The following ROBO1 variants were observed in gnomAD, a reference collection of about 807,000 sequenced individuals.
ROBO1 encodes roundabout homolog 1.
Under a neutral mutation model 195.9 loss-of-function variants are expected in ROBO1, and 149 were observed. The observed-to-expected ratio is 0.76, with a 90% CI of 0.67 to 0.87. The LOEUF is 0.87. Among genes scored for constraint, ROBO1 ranks in the 40% least tolerant of loss-of-function variants. ROBO1 has a pLI of 0.00. For synonymous variants in ROBO1, 816 were observed against 733.2 expected, an observed-to-expected ratio of 1.11 and a Z score of -1.82; for missense variants, 1,933 against 2,068.3, an observed-to-expected ratio of 0.93 and a Z score of 1.27.
chr3:79,525,766 C>T (rs1003680764), intron 2 of ROBO1, among the ~76,000 whole-genome samples: 4 of 151,476 alleles, frequency 2.6e-5, no homozygotes, highest in South Asian at 2.1e-4. Context: ...CCATCACACC[C>T]GGCTAAATTT....
chr3:79,214,381 T>C (rs955402306), intron 2 of ROBO1, among the ~76,000 whole-genome samples: 8 of 152,264 alleles, frequency 5.3e-5, no homozygotes, highest in East Asian at 1.9e-4. Flanking sequence ...TCACATAACC[T>C]AAGGGCTAAA....
chr3:79,505,442 T>C (rs1365385216), intron 2 of ROBO1, among the ~76,000 whole-genome samples: 1 of 152,206 alleles, frequency 6.6e-6, no homozygotes, highest in East Asian at 1.9e-4. Context: ...AATGTCATGC[T>C]GTCAGAGTTC....
At chr3:79,503,234 C>T (rs986289152) in intron 2 of ROBO1, among the ~76,000 whole-genome samples, 6 of 152,052 alleles carry the variant, frequency 3.9e-5, no homozygotes, top group African/African-American at 1.4e-4. Context: ...GACGCCCCAC[C>T]TTAAGAGCTG....
chr3:79,752,308 T>A (rs1704162823), intron 1 of ROBO1, among the ~76,000 whole-genome samples: 1 of 152,126 alleles, frequency 6.6e-6, no homozygotes, highest in Non-Finnish European at 1.5e-5. Flanking sequence ...CTTTATACAT[T>A]TATTCACTCA....
At chr3:79,551,168 T>TC (rs1448005939) in intron 2 of ROBO1, among the ~76,000 whole-genome samples, 8 of 152,044 alleles carry the variant, frequency 5.3e-5, no homozygotes, top group African/African-American at 1.9e-4. Context: ...TGTTTTTTTT[T>TC]CTTTCAACTT....
intron 2 of ROBO1, among the ~76,000 whole-genome samples, chr3:79,265,950 A>G (rs111568608): frequency 2.0e-4 from 30 of 151,754 alleles, no homozygotes; most frequent in African/African-American, 7.2e-4. Context: ...CCATGACAAG[A>G]AAACAAAGTA....
intron 3 of ROBO1, among the ~76,000 whole-genome samples, chr3:78,995,766 C>CA (rs796612944): frequency 0.022 from 1,780 of 80,310 alleles, 9 homozygotes; most frequent in Middle Eastern, 0.076. Context: ...ACTCTGTCTC[C>CA]AAAAAAAAAA....
intron 4 of ROBO1, among the ~76,000 whole-genome samples, chr3:78,844,274 T>C (rs1449008017): frequency 1.3e-5 from 2 of 152,150 alleles, no homozygotes; most frequent in Non-Finnish European, 2.9e-5. Context: ...TGTCATTTGC[T>C]TCTAAGAGAA....
chr3:78,879,661 TA>T (rs2036068097), intron 4 of ROBO1, among the ~76,000 whole-genome samples: 1 of 150,440 alleles, frequency 6.6e-6, no homozygotes, highest in Non-Finnish European at 1.5e-5. Context: ...AAAAGAACAA[TA>T]AAAACGTAGT....
chr3:79,180,233 T>C (rs1438449316), intron 2 of ROBO1, among the ~76,000 whole-genome samples: 1 of 152,210 alleles, frequency 6.6e-6, no homozygotes, highest in African/African-American at 2.4e-5. Context: ...TCATTCTTCA[T>C]TTCTTGTTAA....
At chr3:79,001,192 G>A (rs1195874137) in intron 3 of ROBO1, among the ~76,000 whole-genome samples, 1 of 152,020 alleles carries the variant, frequency 6.6e-6, no homozygotes, top group Non-Finnish European at 1.5e-5. Context: ...AAATCTAGAT[G>A]ACAGGTTGAC....
chr3:79,405,124 A>T (rs1047024937), intron 2 of ROBO1, among the ~76,000 whole-genome samples: 31 of 152,150 alleles, frequency 2.0e-4, no homozygotes, highest in Admixed American at 1.2e-3. Context: ...AAAATATTAT[A>T]CCACAAATGA....
intron 3 of ROBO1, among the ~76,000 whole-genome samples, chr3:79,014,495 T>G (rs1259601634): frequency 6.6e-6 from 1 of 152,130 alleles, no homozygotes; most frequent in Non-Finnish European, 1.5e-5. Context: ...AGAAATCCAC[T>G]GTTTGGATTT....
chr3:78,687,554 G>A (rs1396471123), intron 9 of ROBO1, among the ~76,000 whole-genome samples: 1 of 152,066 alleles, frequency 6.6e-6, no homozygotes, highest in African/African-American at 2.4e-5. Flanking sequence ...AATTAAAAAA[G>A]GTCAGGAGTA....
At chr3:78,667,150 TTATAAA>T (rs1282497974) in intron 14 of ROBO1, among the ~76,000 whole-genome samples, 1 of 152,158 alleles carries the variant, frequency 6.6e-6, no homozygotes, top group Non-Finnish European at 1.5e-5. Context: ...AGTACTGAAC[TTATAAA>T]TAAATAAAAT....
chr3:78,906,987 A>T (rs1319547990), intron 4 of ROBO1, among the ~76,000 whole-genome samples: 1 of 152,104 alleles, frequency 6.6e-6, no homozygotes, highest in Non-Finnish European at 1.5e-5. Context: ...TTTTGTTTAA[A>T]TGTATGAAGA....
In ROBO1 at chr3:78,895,620, A is replaced by G. The variant is rs569588518; in HGVS notation, c.499+42981T>C. On this transcript the variant is annotated intron_variant, in intron 4 of 30. Transcript: ENST00000464233. ...AAACATAGTAGTTTCTTTGAAAAGC[A>G]ACATTTTCCTTGGAAGAAAAATGAT... is the stretch of plus-strand genomic sequence containing the variant. Among the ~76,000 whole-genome samples, 3 of 152,316 alleles carry G rather than the reference A, an allele frequency of 2.0e-5. No homozygotes were observed. In the South Asian group the frequency reaches 6.2e-4, roughly 32 times the overall value.
intron 21 of ROBO1, among the ~76,000 whole-genome samples, chr3:78,645,224 T>A (rs925361940): frequency 5.3e-5 from 8 of 152,202 alleles, no homozygotes; most frequent in Middle Eastern, 3.4e-3. Flanking sequence ...TCTTTTTTTT[T>A]AAACCACTCT....
At chr3:79,143,222 A>T (rs1319187707) in intron 2 of ROBO1, among the ~76,000 whole-genome samples, 1 of 152,050 alleles carries the variant, frequency 6.6e-6, no homozygotes, top group Non-Finnish European at 1.5e-5. Context: ...CTTAAATATG[A>T]TTCTAAAAAT....
Sources: gnomAD v4.1 joint callset for allele counts (sites outside exome capture counted in the v4.1 genomes callset) on GRCh38, gnomAD v4.1.1 for gene constraint, MANE v1.5 for transcripts, NCBI Gene and HGNC (gene_info 2026-07-23, HGNC 2026-07-21) for gene names.